The following GHR variants were observed in gnomAD, a reference collection of about 807,000 sequenced individuals.
GHR encodes GH receptor.
GHR carries 35 observed loss-of-function variants against 67.1 expected under a neutral mutation model. The observed-to-expected ratio is 0.52, with a 90% CI of 0.40 to 0.69. GHR has a LOEUF of 0.69. Among genes scored for constraint, GHR ranks in the 30% least tolerant of loss-of-function variants. GHR has a pLI of 0.00. For synonymous variants in GHR, 272 were observed against 269.1 expected, an observed-to-expected ratio of 1.01 and a Z score of -0.10; for missense variants, 792 against 764.6, an observed-to-expected ratio of 1.04 and a Z score of -0.42.
At chr5:42,545,033 C>T (rs1021193853) in intron 1 of GHR, among the ~76,000 whole-genome samples, 2 of 152,052 alleles carry the variant, frequency 1.3e-5, no homozygotes, top group African/African-American at 2.4e-5. Flanking sequence ...CAGATCTGTT[C>T]TACTATGCCC....
At chr5:42,674,759 C>G (rs1267319697) in intron 3 of GHR, among the ~76,000 whole-genome samples, 3 of 152,046 alleles carry the variant, frequency 2.0e-5, no homozygotes, top group Non-Finnish European at 4.4e-5. Flanking sequence ...GTTGATGGAC[C>G]TTTGAGTTGT....
intron 1 of GHR, among the ~76,000 whole-genome samples, chr5:42,469,540 G>A (rs541233645): frequency 6.6e-6 from 1 of 152,164 alleles, no homozygotes; most frequent in Non-Finnish European, 1.5e-5. Flanking sequence ...TCATGTCCAA[G>A]CCCCTTGTCT....
chr5:42,621,677 T>A (rs992974314), intron 2 of GHR, among the ~76,000 whole-genome samples: 7 of 152,338 alleles, frequency 4.6e-5, no homozygotes, highest in Non-Finnish European at 1.0e-4. Flanking sequence ...TGTGCTTTTT[T>A]AAATGACACT....
intron 1 of GHR, among the ~76,000 whole-genome samples, chr5:42,551,032 T>A (rs1272134017): frequency 3.3e-5 from 5 of 152,144 alleles, no homozygotes; most frequent in Non-Finnish European, 7.3e-5. Flanking sequence ...AAAGAGAACC[T>A]CTAGTGCCTC....
chr5:42,503,180 T>C (rs1746614906), intron 1 of GHR, among the ~76,000 whole-genome samples: 1 of 152,186 alleles, frequency 6.6e-6, no homozygotes, highest in Non-Finnish European at 1.5e-5. Context: ...TTCTGAGCAA[T>C]ACAAGGAAAA....
chr5:42,684,438 T>G (rs1428279832), intron 3 of GHR, among the ~76,000 whole-genome samples: 1 of 152,230 alleles, frequency 6.6e-6, no homozygotes, highest in African/African-American at 2.4e-5. Flanking sequence ...GTTTAAATAT[T>G]TAGTTTTAAT....
chr5:42,689,578 G>A (rs1470982984), intron 4 of GHR, among the ~76,000 whole-genome samples: 1 of 152,182 alleles, frequency 6.6e-6, no homozygotes, highest in Non-Finnish European at 1.5e-5. Flanking sequence ...GTATCTGGGG[G>A]AAAGGCTATG....
chr5:42,437,245 T>C (rs1174294161), intron 1 of GHR, among the ~76,000 whole-genome samples: 1 of 152,234 alleles, frequency 6.6e-6, no homozygotes, highest in East Asian at 1.9e-4. Flanking sequence ...TTAGAACATA[T>C]GTAGGAAACC....
At chr5:42,575,769 C>T (rs938080383) in intron 2 of GHR, among the ~76,000 whole-genome samples, 7 of 150,648 alleles carry the variant, frequency 4.6e-5, no homozygotes, top group African/African-American at 1.5e-4. Flanking sequence ...GGCGCGATGG[C>T]TCATGCCTGT....
intron 6 of GHR, among the ~76,000 whole-genome samples, chr5:42,708,733 G>A (rs893196824): frequency 2.6e-5 from 4 of 152,110 alleles, no homozygotes; most frequent in African/African-American, 9.7e-5. Flanking sequence ...ACGTCTCACT[G>A]AGCCACCACT....
intron 4 of GHR, among the ~76,000 whole-genome samples, chr5:42,689,635 A>G (rs139700153): frequency 5.3e-5 from 8 of 152,256 alleles, no homozygotes; most frequent in African/African-American, 1.7e-4. Context: ...CAGTCTTGGC[A>G]TATTTGAGGG....
At chr5:42,557,916 A>T (rs1386068582) in intron 1 of GHR, among the ~76,000 whole-genome samples, 1 of 152,206 alleles carries the variant, frequency 6.6e-6, no homozygotes, top group Admixed American at 6.5e-5. Context: ...TGAAGCCTAG[A>T]TAGCATCAGT....
At chr5:42,519,083 T>C (rs1395625697) in intron 1 of GHR, among the ~76,000 whole-genome samples, 1 of 152,186 alleles carries the variant, frequency 6.6e-6, no homozygotes, top group Admixed American at 6.5e-5. Flanking sequence ...AGATGCTGTC[T>C]CTCTGAAAAG....
In GHR at chr5:42,669,879, G is replaced by A. The variant is rs185624522; in HGVS notation, c.137-19011G>A. 2.1e-3 allele frequency among the ~76,000 whole-genome samples: 315 copies of A among 152,124 alleles called. 1 individual carries two copies. The highest frequency in any genetic ancestry group is 7.3e-3 in the African/African-American group (304 of 41,520). On this transcript the variant is annotated intron_variant, in intron 3 of 9. Transcript: ENST00000230882. ...AATGTTGATGAAAGAAATTGAAGAT[G>A]GTAAAAATAAATGAAAAGATAAATA...
At chr5:42,647,341 G>A (rs900794447) in intron 3 of GHR, among the ~76,000 whole-genome samples, 46 of 152,002 alleles carry the variant, frequency 3.0e-4, no homozygotes, top group African/African-American at 1.1e-3. Context: ...TTGGGAGGCC[G>A]AGGCGGGTGG....
At chr5:42,612,911 C>A (rs185530434) in intron 2 of GHR, among the ~76,000 whole-genome samples, 3 of 152,152 alleles carry the variant, frequency 2.0e-5, no homozygotes, top group African/African-American at 7.2e-5. Context: ...TGCAGCATAG[C>A]CCCTGAAGTC....
At chr5:42,426,104 C>T (rs1418924556) in intron 1 of GHR, among the ~76,000 whole-genome samples, 1 of 152,214 alleles carries the variant, frequency 6.6e-6, no homozygotes, top group Non-Finnish European at 1.5e-5. Flanking sequence ...TGTATGCTAT[C>T]TCTGGCGCCT....
At chr5:42,427,925 T>C (rs534667700) in intron 1 of GHR, among the ~76,000 whole-genome samples, 1 of 152,356 alleles carries the variant, frequency 6.6e-6, no homozygotes, top group South Asian at 2.1e-4. Context: ...GCTGTTTTCA[T>C]GGCTGGCATT....
intron 3 of GHR, among the ~76,000 whole-genome samples, chr5:42,685,533 T>C (rs929744777): frequency 2.6e-5 from 4 of 152,236 alleles, no homozygotes; most frequent in Non-Finnish European, 4.4e-5. Context: ...TCTTCCACAA[T>C]GGTTGAACTA....
Sources: allele counts gnomAD v4.1 joint callset (sites outside exome capture counted in the v4.1 genomes callset), GRCh38; gene constraint gnomAD v4.1.1; transcripts MANE v1.5; gene names NCBI Gene and HGNC (gene_info 2026-07-23, HGNC 2026-07-21).